Variants in PDE4D observed in about 807,000 individuals in gnomAD.
PDE4D encodes phosphodiesterase 4D.
A neutral mutation model predicts 87.4 loss-of-function variants in PDE4D; 24 were observed. That is an observed-to-expected ratio of 0.27 (90% CI 0.20 to 0.39). The LOEUF (loss-of-function observed/expected upper bound fraction) is 0.39. Ranked by LOEUF, PDE4D falls within the 10% of genes least tolerant of loss-of-function variation. The probability of loss-of-function intolerance (pLI) is 1.00; values close to 1 mark genes in which losing one functional copy is unlikely to be tolerated. For missense variants in PDE4D, 714 were observed against 1,041.0 expected (o/e 0.69, Z 4.32); for synonymous variants, 384 against 383.2 (o/e 1.00, Z -0.02).
intron 1 of PDE4D, among the ~76,000 whole-genome samples, chr5:59,441,890 C>T (rs28571683): frequency 0.036 from 5,512 of 152,282 alleles, 303 homozygotes; most frequent in East Asian, 0.14. Flanking sequence ...GGTCTTCCAT[C>T]CAGGCAAATA....
intron 1 of PDE4D, among the ~76,000 whole-genome samples, chr5:59,477,934 T>C (rs934220588): frequency 6.6e-6 from 1 of 152,008 alleles, no homozygotes; most frequent in Non-Finnish European, 1.5e-5. Context: ...AGCAAATTAA[T>C]GCTGGAACAT....
chr5:59,414,895 A>T (rs1233118052), intron 1 of PDE4D, among the ~76,000 whole-genome samples: 2 of 152,238 alleles, frequency 1.3e-5, no homozygotes, highest in African/African-American at 4.8e-5. Flanking sequence ...TTGTCAAAAA[A>T]GGTTTCACAG....
At chr5:59,704,921 G>A (rs1274982835) in intron 1 of PDE4D, among the ~76,000 whole-genome samples, 1 of 152,110 alleles carries the variant, frequency 6.6e-6, no homozygotes, top group African/African-American at 2.4e-5. Flanking sequence ...GTTTATTTTA[G>A]TTCTCTAAAA....
At chr5:59,918,992 A>C in intron 3 of PDE4D, among the ~76,000 whole-genome samples, 1 of 152,252 alleles carries the variant, frequency 6.6e-6, no homozygotes, top group Admixed American at 6.5e-5. Flanking sequence ...TATTCTGACA[A>C]GAATATTGCA....
At chr5:59,861,234 T>C (rs1471791007) in intron 1 of PDE4D, among the ~76,000 whole-genome samples, 2 of 152,118 alleles carry the variant, frequency 1.3e-5, no homozygotes, top group Admixed American at 6.5e-5. Flanking sequence ...ATAAAGACAA[T>C]AACCTATATT....
In PDE4D at chr5:58,975,058, A is replaced by G. The variant is rs746987110; in HGVS notation, c.2036T>C (p.Val679Ala). 2 of 1,551,410 alleles carry G rather than the reference A, an allele frequency of 1.3e-6. No individual in the cohort carries two copies. The highest frequency in any genetic ancestry group is 1.7e-6 in the Non-Finnish European group (2 of 1,143,724). Reference protein sequence around the residue: ...KSQVGFIDYIVHPLWETWADL... With the variant: ...KSQVGFIDYIAHPLWETWADL... ...TGCCCATGTCTCCCAGAGGGGATGA[A>G]CAATATAGTCTATGAAGCCCACCTA... The change falls in exon 15 of 15, where the codon GTT becomes GCT. Residue 679 changes from valine (V) to alanine (A), a missense_variant. Physicochemically the swap from Val to Ala is moderately conservative, Grantham distance 64. This residue lies in a region of PDE4D where 97 missense variants were observed against 176.9 expected (regional missense o/e 0.55). Coordinates refer to ENST00000340635, the MANE Select transcript of PDE4D (RefSeq NM_001104631.2). This position sits in a 1 kb window ranked among gnomAD's most constrained non-coding sequence, Gnocchi z 4.2.
chr5:59,145,294 C>T (rs1359983962), intron 5 of PDE4D, among the ~76,000 whole-genome samples: 1 of 152,044 alleles, frequency 6.6e-6, no homozygotes, highest in African/African-American at 2.4e-5. Context: ...AAATTAAACC[C>T]AGGCTGGCAG....
intron 1 of PDE4D, among the ~76,000 whole-genome samples, chr5:59,357,637 A>G (rs1395623220): frequency 6.6e-6 from 1 of 152,220 alleles, no homozygotes; most frequent in East Asian, 1.9e-4. Flanking sequence ...TTCCCTAGAA[A>G]CATTTCTTAA....
intron 1 of PDE4D, among the ~76,000 whole-genome samples, chr5:59,706,584 C>T (rs1753436997): frequency 6.6e-6 from 1 of 152,004 alleles, no homozygotes; most frequent in African/African-American, 2.4e-5. Context: ...ATAAGTCTAC[C>T]CAAATGTGCT....
intron 1 of PDE4D, among the ~76,000 whole-genome samples, chr5:59,299,214 A>T (rs1021869440): frequency 2.6e-5 from 4 of 152,140 alleles, no homozygotes; most frequent in African/African-American, 9.7e-5. Context: ...AGCATAAATA[A>T]CCTGGGAGTG....
At chr5:60,377,223 C>T (rs1761503307) in intron 1 of PDE4D, among the ~76,000 whole-genome samples, 1 of 152,198 alleles carries the variant, frequency 6.6e-6, no homozygotes. Flanking sequence ...ATTTTACACA[C>T]TATGAGGACA....
chr5:60,277,256 C>G (rs774270622), intron 1 of PDE4D, among the ~76,000 whole-genome samples: 16 of 151,970 alleles, frequency 1.1e-4, no homozygotes, highest in Non-Finnish European at 1.9e-4. Flanking sequence ...CAACATAATA[C>G]TGAAAGTTCT....
chr5:60,148,961 G>C (rs185402479), intron 2 of PDE4D, among the ~76,000 whole-genome samples: 1 of 152,166 alleles, frequency 6.6e-6, no homozygotes, highest in Non-Finnish European at 1.5e-5. Flanking sequence ...AGTAAAGGGA[G>C]ATGGAGGAAT....
At chr5:59,302,491 C>T (rs1265574365) in intron 1 of PDE4D, among the ~76,000 whole-genome samples, 1 of 152,074 alleles carries the variant, frequency 6.6e-6, no homozygotes, top group Non-Finnish European at 1.5e-5. Flanking sequence ...AAGCAGTATA[C>T]ACTGCACCAT....
At chr5:60,462,223 G>A (rs899226840) in intron 1 of PDE4D, among the ~76,000 whole-genome samples, 1 of 152,104 alleles carries the variant, frequency 6.6e-6, no homozygotes, top group Admixed American at 6.5e-5. Flanking sequence ...CAAGTGGTCC[G>A]AAACCAGCTT....
At chr5:60,162,959 A>G (rs1562170075) in intron 2 of PDE4D, among the ~76,000 whole-genome samples, 1 of 152,156 alleles carries the variant, frequency 6.6e-6, no homozygotes, top group Non-Finnish European at 1.5e-5. Flanking sequence ...AACAAATTAC[A>G]CAGAACCACA....
chr5:60,018,031 A>G (rs374674982), intron 2 of PDE4D, among the ~76,000 whole-genome samples: 1 of 152,080 alleles, frequency 6.6e-6, no homozygotes, highest in South Asian at 2.1e-4. Context: ...TTTGATTTGC[A>G]TTTCTGTAAT....
intron 2 of PDE4D, among the ~76,000 whole-genome samples, chr5:60,070,329 T>C (rs895398043): frequency 3.3e-5 from 5 of 152,220 alleles, no homozygotes; most frequent in Admixed American, 3.3e-4. Context: ...GCATTTAATA[T>C]ATGGCTTTTA....
chr5:60,202,675 T>C (rs187840531), intron 1 of PDE4D, among the ~76,000 whole-genome samples: 171 of 152,020 alleles, frequency 1.1e-3, no homozygotes, highest in African/African-American at 4.1e-3. Flanking sequence ...AAATTAAAAA[T>C]TTTAAATTAA....
Sources: allele counts gnomAD v4.1 joint callset (sites outside exome capture counted in the v4.1 genomes callset), GRCh38; gene constraint gnomAD v4.1.1; regional missense constraint gnomAD v4.1.1; non-coding constraint Gnocchi (gnomAD v3.1); transcripts MANE v1.5; gene names NCBI Gene and HGNC (gene_info 2026-07-23, HGNC 2026-07-21).